NCAM1: variants seen among roughly 807,000 people sequenced by gnomAD.
The protein encoded by NCAM1 is neural cell adhesion molecule 1.
In NCAM1, 14 loss-of-function variants were observed where a neutral mutation model predicts 109.8. The ratio of observed to expected loss-of-function variants is 0.13; its 90% CI spans 0.08 to 0.20. The LOEUF is 0.20. Among genes scored for constraint, NCAM1 ranks in the 10% least tolerant of loss-of-function variants. The pLI, the probability that NCAM1 is intolerant of heterozygous loss-of-function variation, is 1.00. For missense variants in NCAM1, 774 were observed against 1,109.9 expected (o/e 0.70, Z 4.30); for synonymous variants, 418 against 442.9 (o/e 0.94, Z 0.70).
intron 1 of NCAM1, among the ~76,000 whole-genome samples, chr11:113,001,552 A>G (rs1432513781): frequency 1.3e-5 from 2 of 152,176 alleles, no homozygotes; most frequent in East Asian, 1.9e-4. Context: ...ATAGCACAGC[A>G]AAGTCTGGAA....
intron 1 of NCAM1, among the ~76,000 whole-genome samples, chr11:113,042,788 TTGCAGGGTCACTGCCAGA>T (rs1555080165): frequency 6.6e-6 from 1 of 152,188 alleles, no homozygotes; most frequent in Non-Finnish European, 1.5e-5. Flanking sequence ...AGTGTGGCCT[TTGCAGGGTCACTGCCAGA>T]TTCCCCGCTC....
At chr11:113,225,262 C>A (rs921182573) in intron 9 of NCAM1, among the ~76,000 whole-genome samples, 1 of 152,132 alleles carries the variant, frequency 6.6e-6, no homozygotes, top group Admixed American at 6.5e-5. Context: ...CTGAAAACCA[C>A]GGCACGAGAA....
At chr11:113,228,433 G>T (rs1292176683) in intron 9 of NCAM1, among the ~76,000 whole-genome samples, 3 of 152,094 alleles carry the variant, frequency 2.0e-5, no homozygotes, top group Admixed American at 6.5e-5. Flanking sequence ...GAAATAAGAG[G>T]ATACAAACAA....
At chr11:113,137,524 T>C (rs990391448) in intron 1 of NCAM1, among the ~76,000 whole-genome samples, 1 of 152,224 alleles carries the variant, frequency 6.6e-6, no homozygotes, top group Non-Finnish European at 1.5e-5. Flanking sequence ...AACATTGTGA[T>C]TGTATCTAAA....
chr11:112,994,859 T>C (rs1481293571), intron 1 of NCAM1, among the ~76,000 whole-genome samples: 1 of 152,142 alleles, frequency 6.6e-6, no homozygotes, highest in Non-Finnish European at 1.5e-5. Flanking sequence ...TTGTCAATGG[T>C]TCTTCTTCCA....
At chr11:113,150,556 G>A (rs1188892494) in intron 1 of NCAM1, among the ~76,000 whole-genome samples, 1 of 152,204 alleles carries the variant, frequency 6.6e-6, no homozygotes, top group Non-Finnish European at 1.5e-5. Flanking sequence ...TATAGGCGCT[G>A]GGAGGAGTCA....
chr11:113,070,738 C>T (rs76318343), intron 1 of NCAM1, among the ~76,000 whole-genome samples: 7,329 of 152,100 alleles, frequency 0.048, 539 homozygotes, highest in East Asian at 0.15. Flanking sequence ...AAATAGATTC[C>T]TCAGTGGCCT....
intron 9 of NCAM1, among the ~76,000 whole-genome samples, chr11:113,226,039 A>G (rs1366253377): frequency 1.3e-5 from 2 of 152,204 alleles, no homozygotes; most frequent in Non-Finnish European, 2.9e-5. Context: ...GAGCAAAATA[A>G]CCAGCTAACA....
rs1346821684 is a variant in NCAM1 at position 113,233,909 on chromosome 11, CT to C, written c.1693+597del. ...TAATGTGTGCTTATGTTGGACTCCC[CT>C]TTTTGGGTTTAATTGGAATAACTCA... On this transcript the variant is annotated intron_variant, in intron 13 of 19. Coordinates refer to ENST00000316851, the MANE Select transcript of NCAM1 (RefSeq NM_181351.5). The surrounding 1 kb of genome is among the most constrained non-coding windows in gnomAD (Gnocchi z 4.5). 6.6e-6 allele frequency among the ~76,000 whole-genome samples: 1 copy of C among 152,158 alleles called. No homozygotes were observed. The highest frequency in any genetic ancestry group is 1.5e-5 in the Non-Finnish European group (1 of 68,038).
chr11:113,254,342 AG>A (rs1271108312), intron 15 of NCAM1, among the ~76,000 whole-genome samples: 11 of 152,376 alleles, frequency 7.2e-5, no homozygotes, highest in South Asian at 2.1e-4. Context: ...ACAAATAATA[AG>A]CACAACTTTT....
At chr11:113,200,840 C>A (rs563628887) in intron 1 of NCAM1, among the ~76,000 whole-genome samples, 43 of 152,288 alleles carry the variant, frequency 2.8e-4, no homozygotes, top group African/African-American at 8.4e-4. Flanking sequence ...CAGGGGAAGA[C>A]TTTTTATTGC....
intron 1 of NCAM1, among the ~76,000 whole-genome samples, chr11:113,143,141 G>T (rs971661811): frequency 1.3e-5 from 2 of 152,002 alleles, no homozygotes; most frequent in Non-Finnish European, 2.9e-5. Context: ...CTCTAGTATC[G>T]TGTAATACCC....
At chr11:113,046,373 A>G (rs1268600178) in intron 1 of NCAM1, among the ~76,000 whole-genome samples, 1 of 152,226 alleles carries the variant, frequency 6.6e-6, no homozygotes, top group Non-Finnish European at 1.5e-5. Context: ...ACTCTTAACT[A>G]TAATTCTATA....
intron 1 of NCAM1, among the ~76,000 whole-genome samples, chr11:113,104,113 G>A (rs1940019029): frequency 6.7e-6 from 1 of 148,682 alleles, no homozygotes; most frequent in African/African-American, 2.5e-5. Context: ...CTGCCTCCAG[G>A]ATCTTTGGGT....
At chr11:112,965,358 C>G (rs567245274) in intron 1 of NCAM1, among the ~76,000 whole-genome samples, 1 of 152,174 alleles carries the variant, frequency 6.6e-6, no homozygotes, top group Admixed American at 6.5e-5. Context: ...GTCTGTAGCA[C>G]CCCCAAATTC....
At chr11:112,994,431 G>A (rs1201062383) in intron 1 of NCAM1, among the ~76,000 whole-genome samples, 2 of 152,252 alleles carry the variant, frequency 1.3e-5, no homozygotes, top group East Asian at 1.9e-4. Flanking sequence ...TGTTCTAAAC[G>A]TTTTAATGCA....
In NCAM1 at chr11:113,009,312, G is replaced by GTTTTTTTGTTGTTGTTTTTTTTTTTT. The variant is rs1555073910; in HGVS notation, c.52+47655_52+47656insGTTGTTGTTTTTTTTTTTTTTTTTTT. Reference sequence around the variant, plus strand: ...GATTTAATTGGAAGGGTTTTTTCGGGTTTTTTTTTTTTTTTTTTTTTTTTT... The same window carrying GTTTTTTTGTTGTTGTTTTTTTTTTTT: ...GATTTAATTGGAAGGGTTTTTTCGGGTTTTTTTGTTGTTGTTTTTTTTTTTTTTTTTTTTTTTTTTTTTTTTTTTTT... On this transcript the variant is annotated intron_variant, in intron 1 of 19. Transcript: ENST00000316851. 2.0e-4 allele frequency among the ~76,000 whole-genome samples: 16 copies of GTTTTTTTGTTGTTGTTTTTTTTTTTT among 79,688 alleles called. 1 individual carries two copies. The highest frequency in any genetic ancestry group is 1.2e-3 in the South Asian group (2 of 1,710). The allele number at this position is 79,688 out of a possible 152,430, so 52.3% of individuals were successfully genotyped here. A position where few individuals can be genotyped will look rare whatever the true frequency, so the allele number is the denominator to read the frequency against.
intron 1 of NCAM1, among the ~76,000 whole-genome samples, chr11:113,000,202 C>T (rs1419342796): frequency 2.6e-5 from 4 of 152,138 alleles, no homozygotes; most frequent in Non-Finnish European, 5.9e-5. Context: ...TGTCTTATAA[C>T]CAGCCATTAA....
intron 15 of NCAM1, among the ~76,000 whole-genome samples, chr11:113,246,667 T>C (rs1945510407): frequency 6.6e-6 from 1 of 152,232 alleles, no homozygotes; most frequent in Non-Finnish European, 1.5e-5. Context: ...TACCAGATGG[T>C]TCATAAAAAT....
Sources: allele counts gnomAD v4.1 joint callset (sites outside exome capture counted in the v4.1 genomes callset), GRCh38; gene constraint gnomAD v4.1.1; non-coding constraint Gnocchi (gnomAD v3.1); transcripts MANE v1.5; gene names NCBI Gene and HGNC (gene_info 2026-07-23, HGNC 2026-07-21).